Variants in ZFR observed in about 807,000 individuals in gnomAD.
ZFR encodes zinc finger RNA binding protein.
A neutral mutation model predicts 130.7 loss-of-function variants in ZFR; 19 were observed. That is an observed-to-expected ratio of 0.15 (90% CI 0.10 to 0.21). The LOEUF (loss-of-function observed/expected upper bound fraction) is 0.21, where lower values mean the gene tolerates loss of function less well. Among genes scored for constraint, ZFR ranks in the 10% least tolerant of loss-of-function variants. ZFR has a pLI of 1.00. For missense variants in ZFR, 872 were observed against 1,321.5 expected, an observed-to-expected ratio of 0.66 and a Z score of 5.27; for synonymous variants, 466 against 456.9, an observed-to-expected ratio of 1.02 and a Z score of -0.25.
intron 15 of ZFR, chr5:32,380,458 A>C: frequency 3.9e-6 from 1 of 254,088 alleles, no homozygotes; most frequent in Non-Finnish European, 7.7e-6. Flanking sequence ...ACTAGCACAA[A>C]GACAACAAGA....
chr5:32,394,737 A>G (rs989469315), intron 11 of ZFR, among the ~76,000 whole-genome samples: 29 of 152,324 alleles, frequency 1.9e-4, no homozygotes, highest in African/African-American at 7.0e-4. Context: ...ATATATATAT[A>G]AACAAATATT....
chr5:32,367,715 G>A (rs1186386778), intron 17 of ZFR, among the ~76,000 whole-genome samples: 4 of 152,144 alleles, frequency 2.6e-5, no homozygotes, highest in African/African-American at 7.2e-5. Context: ...GATTACAGGC[G>A]TGAGCCACTG....
intron 2 of ZFR, among the ~76,000 whole-genome samples, chr5:32,439,177 C>T (rs1754406051): frequency 6.6e-6 from 1 of 152,164 alleles, no homozygotes; most frequent in Admixed American, 6.5e-5. Flanking sequence ...ATGCAGTGTA[C>T]ATCCTAAGGT....
intron 11 of ZFR, among the ~76,000 whole-genome samples, chr5:32,392,427 G>C (rs1019056214): frequency 5.9e-5 from 9 of 152,038 alleles, no homozygotes; most frequent in Non-Finnish European, 1.3e-4. Context: ...ATACATAATA[G>C]TAAAAACTAT....
At chr5:32,405,899 C>G (rs999250182) in intron 6 of ZFR, among the ~76,000 whole-genome samples, 2 of 152,184 alleles carry the variant, frequency 1.3e-5, no homozygotes, top group South Asian at 2.1e-4. Flanking sequence ...ACTGAAAATA[C>G]CCCCCAAAAT....
At chr5:32,434,230 T>C (rs1367706213) in intron 2 of ZFR, among the ~76,000 whole-genome samples, 1 of 152,240 alleles carries the variant, frequency 6.6e-6, no homozygotes, top group Non-Finnish European at 1.5e-5. Flanking sequence ...TAGAAATGTA[T>C]TATGTATTGA....
At chr5:32,424,617 A>G (rs906029954) in intron 2 of ZFR, among the ~76,000 whole-genome samples, 1 of 152,200 alleles carries the variant, frequency 6.6e-6, no homozygotes, top group Non-Finnish European at 1.5e-5. Flanking sequence ...GATCCCAATA[A>G]AAGACTTTAT....
chr5:32,431,064 G>A (rs1339862724), intron 2 of ZFR, among the ~76,000 whole-genome samples: 4 of 152,200 alleles, frequency 2.6e-5, no homozygotes, highest in Non-Finnish European at 5.9e-5. Context: ...AACACAGTGA[G>A]ACCCTGTCTC....
At chr5:32,387,479 G>A in intron 14 of ZFR, 70 bp downstream of exon 14, 1 of 1,564,984 alleles carries the variant, frequency 6.4e-7, no homozygotes. Context: ...TTAAACCGAA[G>A]CACAGTCAGT....
chr5:32,366,596 T>G (rs1389010250), intron 17 of ZFR, among the ~76,000 whole-genome samples: 1 of 152,178 alleles, frequency 6.6e-6, no homozygotes, highest in Non-Finnish European at 1.5e-5. Context: ...TTAAAACATA[T>G]TAATTTTCTA....
intron 15 of ZFR, among the ~76,000 whole-genome samples, chr5:32,384,447 C>G (rs1470647493): frequency 6.6e-6 from 1 of 152,098 alleles, no homozygotes; most frequent in South Asian, 2.1e-4. Context: ...ATGTTCTTTT[C>G]CTGGGTTGTG....
At chr5:32,439,279 T>C (rs1040755934) in intron 2 of ZFR, among the ~76,000 whole-genome samples, 7 of 152,236 alleles carry the variant, frequency 4.6e-5, no homozygotes, top group Non-Finnish European at 1.0e-4. Flanking sequence ...CCAAGGTTGG[T>C]TTCAAAAACC....
chr5:32,438,119 G>GT (rs939202763), intron 2 of ZFR, among the ~76,000 whole-genome samples: 2 of 151,866 alleles, frequency 1.3e-5, no homozygotes, highest in Non-Finnish European at 2.9e-5. Flanking sequence ...TCTTCAAAGT[G>GT]TTTTGAATAC....
rs749224721 is a variant in ZFR, at chr5:32,363,906, T to C, written c.3045+42A>G. 5 of 1,524,472 alleles carry C rather than the reference T, an allele frequency of 3.3e-6. No homozygotes were observed. The South Asian group carries it at 3.5e-5, about 11-fold the overall frequency. The allele number at this position is 1,524,472 out of a possible 1,614,324, so 94.4% of individuals were successfully genotyped here. A position where few individuals can be genotyped will look rare whatever the true frequency, so the allele number is the denominator to read the frequency against. On this transcript the variant is annotated intron_variant, in intron 19 of 19. Coordinates refer to ENST00000265069, the MANE Select transcript of ZFR (RefSeq NM_016107.5). The stretch of plus-strand genomic sequence containing the variant: ...CAATAACAGAAAAATAAAACCTTAA[T>C]GGAGTAACCCAATAGGGCTCTGAAT...
intron 15 of ZFR, chr5:32,380,430 G>C: frequency 6.2e-6 from 2 of 323,248 alleles, no homozygotes; most frequent in Non-Finnish European, 1.2e-5. Context: ...CCGAAGGAAA[G>C]ATTACTGGAC....
At chr5:32,370,217 G>A (rs145683541) in intron 17 of ZFR, among the ~76,000 whole-genome samples, 17 of 150,182 alleles carry the variant, frequency 1.1e-4, no homozygotes, top group Middle Eastern at 3.5e-3. Context: ...ATGGGCCACT[G>A]TGCCCAGCAC....
At chr5:32,408,913 T>C (rs931259957) in intron 5 of ZFR, among the ~76,000 whole-genome samples, 2 of 152,242 alleles carry the variant, frequency 1.3e-5, no homozygotes, top group African/African-American at 4.8e-5. Context: ...TTCTCAAAAG[T>C]TGCCTGACTA....
intron 19 of ZFR, among the ~76,000 whole-genome samples, chr5:32,356,579 A>ATT (rs952301838): frequency 9.0e-5 from 13 of 144,444 alleles, no homozygotes; most frequent in African/African-American, 3.3e-4. Flanking sequence ...CGCCTGGCTA[A>ATT]TTTTTTTTTT....
intron 8 of ZFR, among the ~76,000 whole-genome samples, chr5:32,402,784 G>GAAAAAAAAAAAA (rs34053562): frequency 7.5e-6 from 1 of 133,680 alleles, no homozygotes. Context: ...TCTCAAAAAT[G>GAAAAAAAAAAAA]AAAAAAAAAA....
Sources: allele counts gnomAD v4.1 joint callset (sites outside exome capture counted in the v4.1 genomes callset), GRCh38; gene constraint gnomAD v4.1.1; transcripts MANE v1.5; gene names NCBI Gene and HGNC (gene_info 2026-07-23, HGNC 2026-07-21).